The following FNDC3A variants were observed in gnomAD, a reference collection of about 807,000 sequenced individuals.
FNDC3A encodes fibronectin type-III domain-containing protein 3A.
A neutral mutation model predicts 148.9 loss-of-function variants in FNDC3A; 32 were observed. The ratio of observed to expected loss-of-function variants is 0.21; its 90% CI spans 0.16 to 0.29. The LOEUF (loss-of-function observed/expected upper bound fraction) is 0.29, where lower values mean the gene tolerates loss of function less well. FNDC3A is among the 10% of genes least tolerant of loss of function. The probability of loss-of-function intolerance (pLI) is 1.00; values close to 1 mark genes in which losing one functional copy is unlikely to be tolerated. For synonymous variants in FNDC3A, 472 were observed against 473.6 expected (o/e 1.00, Z 0.04); for missense variants, 1,191 against 1,452.8 (o/e 0.82, Z 2.93).
intron 2 of FNDC3A, among the ~76,000 whole-genome samples, chr13:49,018,201 C>T (rs1872979283): frequency 6.6e-6 from 1 of 152,048 alleles, no homozygotes; most frequent in Non-Finnish European, 1.5e-5. Context: ...GAGTGTTTTC[C>T]AACTTGGTTC....
chr13:49,146,771 G>T (rs1446158186), intron 8 of FNDC3A: 7 of 152,098 alleles, frequency 4.6e-5, no homozygotes, highest in African/African-American at 1.7e-4. Context: ...GCACCACGAA[G>T]CCTTAGAAAG....
intron 3 of FNDC3A, among the ~76,000 whole-genome samples, chr13:49,077,517 T>A (rs962202583): frequency 6.6e-6 from 1 of 152,318 alleles, no homozygotes; most frequent in East Asian, 1.9e-4. Context: ...GTAATTAAAA[T>A]TAAAACTTTT....
intron 8 of FNDC3A, among the ~76,000 whole-genome samples, chr13:49,162,282 A>G (rs1380503472): frequency 5.3e-5 from 8 of 152,002 alleles, no homozygotes; most frequent in African/African-American, 1.9e-4. Context: ...ATAGTCCCAT[A>G]TTTCTTGGAG....
intron 25 of FNDC3A, among the ~76,000 whole-genome samples, chr13:49,206,337 TC>T (rs1886641301): frequency 2.0e-5 from 3 of 151,374 alleles, no homozygotes; most frequent in South Asian, 2.1e-4. Context: ...GTATATAGCT[TC>T]TTATTTATGC....
chr13:49,178,563 T>C lies in FNDC3A; in HGVS notation c.1531-5T>C. 6.3e-7 allele frequency: 1 copy of C among 1,578,120 alleles called. No homozygotes were observed. Among genetic ancestry groups the C allele is most frequent in the Non-Finnish European group, 8.7e-7 (1 of 1,154,858 alleles). ...GAATGAAGACTTTGTTTTTTCCTTT[T>C]CCAGGGATATGGTTTTAAGCCTAAA... On this transcript the variant is annotated splice_region_variant and splice_polypyrimidine_tract_variant and intron_variant, in intron 13 of 25. Coordinates refer to ENST00000492622, the MANE Select transcript of FNDC3A (RefSeq NM_001079673.2).
At chr13:49,174,035 C>T (rs1248059330) in intron 11 of FNDC3A, among the ~76,000 whole-genome samples, 2 of 152,008 alleles carry the variant, frequency 1.3e-5, no homozygotes, top group African/African-American at 4.8e-5. Context: ...GGGTAAGGAC[C>T]TTTTCTTAAA....
At chr13:49,199,896 A>G (rs899631995) in intron 23 of FNDC3A, among the ~76,000 whole-genome samples, 13 of 152,176 alleles carry the variant, frequency 8.5e-5, no homozygotes, top group South Asian at 6.2e-4. Context: ...TCACATCTTC[A>G]TGTACATGTT....
chr13:49,183,257 C>T (rs1885395566), intron 14 of FNDC3A, among the ~76,000 whole-genome samples: 1 of 152,176 alleles, frequency 6.6e-6, no homozygotes, highest in Non-Finnish European at 1.5e-5. Context: ...CCCAGGAAGA[C>T]TCCATAACAC....
intron 1 of FNDC3A, among the ~76,000 whole-genome samples, chr13:49,002,464 A>G (rs1207161925): frequency 1.3e-5 from 2 of 152,218 alleles, no homozygotes; most frequent in South Asian, 2.1e-4. Flanking sequence ...GAAGGATAAT[A>G]TACATAAAGA....
intron 2 of FNDC3A, among the ~76,000 whole-genome samples, chr13:49,012,534 G>C (rs548550896): frequency 4.6e-4 from 70 of 152,068 alleles, no homozygotes; most frequent in African/African-American, 1.7e-3. Flanking sequence ...ATAAATTTTA[G>C]AATTAGCTTA....
chr13:49,067,111 C>T (rs1319833846), intron 2 of FNDC3A, among the ~76,000 whole-genome samples: 1 of 152,080 alleles, frequency 6.6e-6, no homozygotes, highest in East Asian at 1.9e-4. Context: ...AGGATTGTAT[C>T]ATGCTGTTAA....
chr13:49,089,075 T>C (rs1027115792), intron 3 of FNDC3A, among the ~76,000 whole-genome samples: 2 of 152,130 alleles, frequency 1.3e-5, no homozygotes, highest in African/African-American at 4.8e-5. Flanking sequence ...GTACAGAATT[T>C]TAGTTTTGGA....
chr13:49,092,435 A>G (rs1213948641), intron 3 of FNDC3A, among the ~76,000 whole-genome samples: 1 of 152,128 alleles, frequency 6.6e-6, no homozygotes, highest in African/African-American at 2.4e-5. Context: ...CTGCCTTCTT[A>G]TCTTCTAGCG....
At chr13:48,980,979 A>C (rs1951684717) in intron 1 of FNDC3A, among the ~76,000 whole-genome samples, 2 of 152,144 alleles carry the variant, frequency 1.3e-5, no homozygotes, top group South Asian at 4.1e-4. Context: ...CAACCAAACA[A>C]AATCATGAAA....
chr13:49,067,868 T>G (rs550058330), intron 2 of FNDC3A, among the ~76,000 whole-genome samples: 1 of 152,284 alleles, frequency 6.6e-6, no homozygotes, highest in Non-Finnish European at 1.5e-5. Context: ...TGGTCTCAAG[T>G]AACATCCTAC....
intron 8 of FNDC3A, among the ~76,000 whole-genome samples, chr13:49,166,753 T>G (rs375187259): frequency 6.6e-6 from 1 of 152,232 alleles, no homozygotes; most frequent in Non-Finnish European, 1.5e-5. Context: ...TTCCTTGTTT[T>G]ACATGTTTCC....
intron 3 of FNDC3A, among the ~76,000 whole-genome samples, chr13:49,077,117 A>G (rs1469354703): frequency 1.3e-5 from 2 of 152,204 alleles, no homozygotes; most frequent in East Asian, 3.9e-4. Context: ...GTCTCTACAA[A>G]AAATTTAAAA....
In FNDC3A at chr13:49,209,101, A is replaced by T. The variant is rs1481130376; in HGVS notation, c.*1706A>T. ...TTTAATCTCTTATGTATAGGGTGAT[A>T]ACCTTCCCCAGAAACAACAGTGATT... is the stretch of plus-strand genomic sequence containing the variant. On this transcript the variant is annotated 3_prime_UTR_variant, in exon 26 of 26. Transcript: ENST00000492622. 1 of 152,606 alleles carries T rather than the reference A, an allele frequency of 6.6e-6. No homozygotes were observed. The allele number at this position is 152,606 out of a possible 1,614,324, so 9.5% of individuals were successfully genotyped here. A position where few individuals can be genotyped will look rare whatever the true frequency, so the allele number is the denominator to read the frequency against.
At chr13:49,059,924 C>T (rs535919841) in intron 2 of FNDC3A, among the ~76,000 whole-genome samples, 1 of 152,324 alleles carries the variant, frequency 6.6e-6, no homozygotes, top group East Asian at 1.9e-4. Flanking sequence ...AGATGCTCAA[C>T]ATCATTAGTC....
Sources: allele counts gnomAD v4.1 joint callset (sites outside exome capture counted in the v4.1 genomes callset), GRCh38; gene constraint gnomAD v4.1.1; transcripts MANE v1.5; gene names NCBI Gene and HGNC (gene_info 2026-07-23, HGNC 2026-07-21).